COPS2: variants seen among roughly 807,000 people sequenced by gnomAD.
The protein encoded by COPS2 is COP9 signalosome subunit 2.
A neutral mutation model predicts 66.1 loss-of-function variants in COPS2; 10 were observed. That is an observed-to-expected ratio of 0.15 (90% CI 0.09 to 0.26). The LOEUF is 0.26. Among genes scored for constraint, COPS2 ranks in the 10% least tolerant of loss-of-function variants. COPS2 has a pLI of 1.00. For missense variants in COPS2, 215 were observed against 513.3 expected (o/e 0.42, Z 5.62); for synonymous variants, 179 against 171.3 (o/e 1.04, Z -0.35).
At chr15:49,137,526 T>C in intron 4 of COPS2, 89 bp from the exon 5 acceptor site, 1 of 941,522 alleles carries the variant, frequency 1.1e-6, no homozygotes, top group Non-Finnish European at 1.7e-6. Context: ...AAGTGCATCT[T>C]TGAACTTTAA....
chr15:49,152,988 C>T (rs2084373129), intron 1 of COPS2, among the ~76,000 whole-genome samples: 1 of 152,172 alleles, frequency 6.6e-6, no homozygotes, highest in Non-Finnish European at 1.5e-5. Flanking sequence ...ATTCTCACTG[C>T]TATTGCTACA....
At chr15:49,147,884 TG>T (rs2084332360) in intron 1 of COPS2, among the ~76,000 whole-genome samples, 2 of 152,194 alleles carry the variant, frequency 1.3e-5, no homozygotes, top group Admixed American at 1.3e-4. Flanking sequence ...CTTAAACAAA[TG>T]TTATTGCTAA....
chr15:49,137,063 T>C, intron 6 of COPS2, 87 bp downstream of exon 6: 1 of 784,062 alleles, frequency 1.3e-6, no homozygotes, highest in Non-Finnish European at 2.0e-6. Context: ...AACTAAAACA[T>C]CCCTAAACAA....
intron 9 of COPS2, among the ~76,000 whole-genome samples, chr15:49,132,045 T>C (rs1277504569): frequency 6.6e-6 from 1 of 152,206 alleles, no homozygotes; most frequent in African/African-American, 2.4e-5. Flanking sequence ...TTTAATGTAC[T>C]TAGCCAATTT....
Position 49,145,073 on chromosome 15 carries a change from G to A in COPS2, c.60C>T (p.Tyr20=), listed in dbSNP as rs374802545. 4 of 1,466,792 alleles carry A rather than the reference G, an allele frequency of 2.7e-6. No individual in the cohort carries two copies. The highest frequency in any genetic ancestry group is 2.8e-6 in the Non-Finnish European group (3 of 1,076,270). 90.9% of individuals were successfully genotyped at this position (1,466,792 alleles called of 1,614,324 possible). ...CDDEEDYDLE[Y]SEDSNSEPNV... ...TTGGCTCGGAGTTACTATCTTCAGA[G>A]TATTCCTGTGTTGGAAAGAAAGAAA... is the stretch of plus-strand genomic sequence containing the variant. Residue 20 remains tyrosine (Y), a synonymous_variant, in exon 2 of 13, where the codon TAC becomes TAT. Transcript: ENST00000388901.
chr15:49,147,587 C>T (rs2084329378), intron 1 of COPS2, among the ~76,000 whole-genome samples: 1 of 152,012 alleles, frequency 6.6e-6, no homozygotes, highest in African/African-American at 2.4e-5. Context: ...AAAACAGGAT[C>T]CTTGACATTT....
chr15:49,137,446 A>C lies in COPS2; in HGVS notation c.373-9T>G. The C allele has an allele frequency of 6.3e-7, 1 of 1,599,090 alleles. No individual in the cohort carries two copies. Among genetic ancestry groups the C allele is most frequent in the Non-Finnish European group, 8.6e-7 (1 of 1,169,172 alleles). On this transcript the variant is annotated splice_polypyrimidine_tract_variant and intron_variant, in intron 4 of 12. Transcript: ENST00000388901. ...TCCTGCAGTAAATCCATCTGACATA[A>C]AAAATCAGAATTCTATAATTGTAAA...
chr15:49,148,313 T>C (rs933114987), intron 1 of COPS2, among the ~76,000 whole-genome samples: 3 of 152,030 alleles, frequency 2.0e-5, no homozygotes, highest in African/African-American at 7.3e-5. Flanking sequence ...TATAATATAA[T>C]ATAAGCAATA....
chr15:49,145,339 T>C (rs939371289), intron 1 of COPS2, among the ~76,000 whole-genome samples: 3 of 152,162 alleles, frequency 2.0e-5, no homozygotes, highest in African/African-American at 4.8e-5. Context: ...AAAATTTCTA[T>C]AGAATCAACA....
At position 49,137,433 on chromosome 15, in the gene COPS2, T is replaced by C; in HGVS notation, c.377A>G (p.Asp126Gly). 1 of 1,608,856 alleles carries C rather than the reference T, an allele frequency of 6.2e-7. No individual in the cohort carries two copies. Among genetic ancestry groups the C allele is most frequent in the Non-Finnish European group, 8.5e-7 (1 of 1,176,486 alleles). The change falls in exon 5 of 13, where the codon GAT (aspartate) becomes GGT (glycine). Residue 126 changes from aspartate to glycine, a missense_variant. Coordinates refer to ENST00000388901, the MANE Select transcript of COPS2 (RefSeq NM_004236.4). The stretch of plus-strand genomic sequence containing the variant: ...TGTTTCATAGAATTCCTGCAGTAAA[T>C]CCATCTGACATAAAAAATCAGAATT... ...LDYISTSKQMDLLQEFYETTL... is the reference protein window; with the variant it reads ...LDYISTSKQMGLLQEFYETTL...
At chr15:49,146,238 C>G (rs1229529483) in intron 1 of COPS2, among the ~76,000 whole-genome samples, 2 of 152,108 alleles carry the variant, frequency 1.3e-5, no homozygotes, top group African/African-American at 4.8e-5. Context: ...AGACCTGAGT[C>G]TGTCAGTCTT....
Position 49,154,401 on chromosome 15 carries a change from A to T in COPS2, c.54+1124T>A, listed in dbSNP as rs144942913. ...ACTATGACTTTCAAATAATAGCGAGAATTTCCTTTCTCCCTTTTGCAAAGT... is the reference window on the plus strand; with the variant it reads ...ACTATGACTTTCAAATAATAGCGAGTATTTCCTTTCTCCCTTTTGCAAAGT... On this transcript the variant is annotated intron_variant, in intron 1 of 12. Transcript: ENST00000388901. Among the ~76,000 whole-genome samples the T allele has an allele frequency of 3.3e-4, 51 of 152,332 alleles. No homozygotes were observed. The East Asian group carries it at 9.8e-3, about 29-fold the overall frequency.
chr15:49,151,611 T>C (rs2084362157), intron 1 of COPS2, among the ~76,000 whole-genome samples: 1 of 152,032 alleles, frequency 6.6e-6, no homozygotes, highest in African/African-American at 2.4e-5. Flanking sequence ...ATGATTATTA[T>C]TTAGTGTTAC....
At position 49,125,358 on chromosome 15, in the gene COPS2, G is replaced by C. The variant is rs987269160; in HGVS notation, c.*2592C>G. ...ATGGAAATCCAGCTCTTGTAGTAGA[G>C]AGCATCTACTTGTGGCAGCCAAAGA... On this transcript the variant is annotated 3_prime_UTR_variant, in exon 13 of 13. Transcript: ENST00000388901. 2 of 152,220 alleles carry C rather than the reference G, an allele frequency of 1.3e-5. No individual in the cohort carries two copies. The highest frequency in any genetic ancestry group is 3.9e-4 in the East Asian group (2 of 5,188). 9.4% of individuals were successfully genotyped at this position (152,220 alleles called of 1,614,324 possible).
intron 6 of COPS2, among the ~76,000 whole-genome samples, chr15:49,135,700 G>T (rs1191963383): frequency 6.6e-6 from 1 of 152,004 alleles, no homozygotes; most frequent in Non-Finnish European, 1.5e-5. Flanking sequence ...AAATTTATTG[G>T]GTCTTCAAAC....
chr15:49,131,201 A>T (rs1285429215), intron 9 of COPS2, among the ~76,000 whole-genome samples: 1 of 152,120 alleles, frequency 6.6e-6, no homozygotes, highest in Admixed American at 6.6e-5. Flanking sequence ...TCATAATGAA[A>T]GGAACCAGGC....
chr15:49,127,860 A>C lies in COPS2; in HGVS notation c.*90T>G. The C allele has an allele frequency of 3.8e-5, 51 of 1,330,690 alleles. No homozygotes were observed. The highest frequency in any genetic ancestry group is 4.8e-5 in the Non-Finnish European group (46 of 967,940). The allele number at this position is 1,330,690 out of a possible 1,614,324, so 82.4% of individuals were successfully genotyped here. Reference sequence around the variant, plus strand: ...ACTCCAATAATTTTCAGGACACATCAACCGACAGTAGTTTTGCCATTCCCA... The same window carrying C: ...ACTCCAATAATTTTCAGGACACATCCACCGACAGTAGTTTTGCCATTCCCA... On this transcript the variant is annotated 3_prime_UTR_variant, in exon 13 of 13. Coordinates refer to ENST00000388901, the MANE Select transcript of COPS2 (RefSeq NM_004236.4).
chr15:49,154,161 A>G (rs536829250), intron 1 of COPS2, among the ~76,000 whole-genome samples: 58 of 152,290 alleles, frequency 3.8e-4, no homozygotes, highest in African/African-American at 1.4e-3. Flanking sequence ...AATACTATGA[A>G]TCAATTAAAA....
At chr15:49,146,366 CTT>C (rs1244502556) in intron 1 of COPS2, among the ~76,000 whole-genome samples, 1 of 152,062 alleles carries the variant, frequency 6.6e-6, no homozygotes, top group Non-Finnish European at 1.5e-5. Context: ...TCATTTACTT[CTT>C]AACCCTTGTA....
Sources: gnomAD v4.1 joint callset for allele counts (sites outside exome capture counted in the v4.1 genomes callset) on GRCh38, gnomAD v4.1.1 for gene constraint, MANE v1.5 for transcripts, NCBI Gene and HGNC (gene_info 2026-07-23, HGNC 2026-07-21) for gene names.